The following RIC1 variants were observed in gnomAD, a reference collection of about 807,000 sequenced individuals.
RIC1 encodes the protein RIC1 partner of RAB6A GEF complex.
A neutral mutation model predicts 169.0 loss-of-function variants in RIC1; 88 were observed. That is an observed-to-expected ratio of 0.52 (90% CI 0.44 to 0.62). RIC1 has a LOEUF of 0.62. Among genes scored for constraint, RIC1 ranks in the 20% least tolerant of loss-of-function variants. The probability of loss-of-function intolerance (pLI) is 0.00; values close to 1 mark genes in which losing one functional copy is unlikely to be tolerated. For synonymous variants in RIC1, 790 were observed against 601.5 expected (o/e 1.31, Z -4.59); for missense variants, 1,877 against 1,725.5 (o/e 1.09, Z -1.56).
At chr9:5,726,190 G>A (rs1338499477) in intron 6 of RIC1, among the ~76,000 whole-genome samples, 1 of 152,138 alleles carries the variant, frequency 6.6e-6, no homozygotes, top group African/African-American at 2.4e-5. Context: ...GGGAGTCTAA[G>A]TCTCTTTGTA....
intron 17 of RIC1, among the ~76,000 whole-genome samples, chr9:5,759,539 A>G (rs1294636809): frequency 1.3e-5 from 2 of 152,246 alleles, no homozygotes; most frequent in African/African-American, 4.8e-5. Context: ...TGCAGAACCA[A>G]GTCAGTAAGC....
At position 5,765,400 on chromosome 9, in the gene RIC1, G is replaced by T; in HGVS notation, c.2842-14G>T. 1.2e-6 allele frequency: 2 copies of T among 1,607,578 alleles called. No homozygotes were observed. The highest frequency in any genetic ancestry group is 1.3e-5 in the African/African-American group (1 of 74,616). On this transcript the variant is annotated splice_polypyrimidine_tract_variant and intron_variant, in intron 19 of 25. Coordinates refer to ENST00000414202, the MANE Select transcript of RIC1 (RefSeq NM_020829.4). The stretch of plus-strand genomic sequence containing the variant: ...GTAGTATAAAAAGAATGCTGTCCTG[G>T]TTGTTTTTTGTAGAATATGGAAGTC...
At chr9:5,703,008 C>T (rs1176054743) in intron 3 of RIC1, among the ~76,000 whole-genome samples, 1 of 152,044 alleles carries the variant, frequency 6.6e-6, no homozygotes, top group Non-Finnish European at 1.5e-5. Flanking sequence ...GACAGAGACC[C>T]AAACCATGTA....
chr9:5,633,205 C>G (rs1428108425), intron 1 of RIC1, among the ~76,000 whole-genome samples: 1 of 152,144 alleles, frequency 6.6e-6, no homozygotes, highest in Non-Finnish European at 1.5e-5. Flanking sequence ...AATGATATGT[C>G]AAAAGAACCA....
chr9:5,661,698 C>G (rs576098283), intron 2 of RIC1, among the ~76,000 whole-genome samples: 1 of 152,318 alleles, frequency 6.6e-6, no homozygotes, highest in South Asian at 2.1e-4. Context: ...TTAGACTTTG[C>G]TGAAGTTGCT....
intron 2 of RIC1, among the ~76,000 whole-genome samples, chr9:5,658,325 C>T (rs1242891811): frequency 1.3e-5 from 2 of 151,940 alleles, no homozygotes. Context: ...TCAGAATGTA[C>T]TGAAGGTTAA....
At chr9:5,732,983 A>G (rs1284222346) in intron 7 of RIC1, among the ~76,000 whole-genome samples, 2 of 152,152 alleles carry the variant, frequency 1.3e-5, no homozygotes, top group South Asian at 2.1e-4. Flanking sequence ...CTGTATGCCT[A>G]TCACATACCA....
intron 7 of RIC1, among the ~76,000 whole-genome samples, chr9:5,733,680 T>G (rs997698226): frequency 8.5e-5 from 13 of 152,124 alleles, no homozygotes; most frequent in Non-Finnish European, 1.3e-4. Flanking sequence ...TGATCCTCAT[T>G]GAGCAGTTAA....
intron 1 of RIC1, 132 bp downstream of exon 1, chr9:5,629,585 T>C: frequency 9.7e-7 from 1 of 1,035,002 alleles, no homozygotes; most frequent in Non-Finnish European, 1.3e-6. Context: ...GCAGTCCGCG[T>C]CCTCGTTCCA....
At chr9:5,641,398 G>C (rs1330450537) in intron 1 of RIC1, among the ~76,000 whole-genome samples, 1 of 151,706 alleles carries the variant, frequency 6.6e-6, no homozygotes, top group Non-Finnish European at 1.5e-5. Context: ...GCCGCCATGA[G>C]GTACTCTTCT....
At chr9:5,648,602 G>A (rs1340857327) in intron 1 of RIC1, among the ~76,000 whole-genome samples, 1 of 152,158 alleles carries the variant, frequency 6.6e-6, no homozygotes, top group Non-Finnish European at 1.5e-5. Flanking sequence ...TCTTCATACT[G>A]TTTTTGGTAA....
In RIC1 at chr9:5,747,434, T is replaced by C; in HGVS notation, c.1381T>C (p.Phe461Leu). 6.2e-7 allele frequency: 1 copy of C among 1,614,098 alleles called. No individual in the cohort carries two copies. Among genetic ancestry groups the C allele is most frequent in the Non-Finnish European group, 8.5e-7 (1 of 1,179,960 alleles). ...TAAGCCCAGTCGAGAAAAGAGCCCA[T>C]TTGCAGATGGAGGTTTAGAGTCTCA... ...EHKPSREKSP[F>L]ADGGLESQGL... is the part of the protein sequence containing the mutation. The change falls in exon 12 of 26, where the codon TTT becomes CTT. Residue 461 changes from phenylalanine (F) to leucine (L), a missense_variant. Phe to Leu is a conservative substitution (Grantham distance 22, BLOSUM62 0). Transcript: ENST00000414202.
chr9:5,747,886 G>A (rs1825479416), intron 12 of RIC1, among the ~76,000 whole-genome samples: 1 of 152,156 alleles, frequency 6.6e-6, no homozygotes, highest in Non-Finnish European at 1.5e-5. Context: ...CTAGTACTCT[G>A]TACAGCTGAC....
At chr9:5,743,095 C>G in intron 9 of RIC1, 82 bp downstream of exon 9, 1 of 1,354,096 alleles carries the variant, frequency 7.4e-7, no homozygotes, top group African/African-American at 1.5e-5. Context: ...TGTGTCAGAA[C>G]TTCCCTTTTT....
Position 5,775,026 on chromosome 9 carries a change from T to C in RIC1, c.*780T>C, listed in dbSNP as rs1827501948. 6.6e-6 allele frequency: 1 copy of C among 152,234 alleles called. No homozygotes were observed. The highest frequency in any genetic ancestry group is 6.5e-5 in the Admixed American group (1 of 15,282). 9.4% of individuals were successfully genotyped at this position (152,234 alleles called of 1,614,324 possible). A position where few individuals can be genotyped will look rare whatever the true frequency, so the allele number is the denominator to read the frequency against. On this transcript the variant is annotated 3_prime_UTR_variant, in exon 26 of 26. Transcript: ENST00000414202. ...TGTTCATATTTTAGGGCTTGTATTA[T>C]AATTTGCAAGGTTTTAATGCTGGAT...
intron 12 of RIC1, among the ~76,000 whole-genome samples, chr9:5,752,266 T>C (rs1825765820): frequency 6.6e-6 from 1 of 152,132 alleles, no homozygotes; most frequent in African/African-American, 2.4e-5. Flanking sequence ...TAAAAGTTCT[T>C]GTAGATAAGT....
At chr9:5,643,723 A>T (rs765997467) in intron 1 of RIC1, among the ~76,000 whole-genome samples, 2 of 152,228 alleles carry the variant, frequency 1.3e-5, no homozygotes, top group Non-Finnish European at 2.9e-5. Context: ...GTCATCTAAA[A>T]TGGTGATATA....
chr9:5,634,201 T>G (rs1487377358), intron 1 of RIC1, among the ~76,000 whole-genome samples: 2 of 152,218 alleles, frequency 1.3e-5, no homozygotes, highest in African/African-American at 2.4e-5. Flanking sequence ...AATATGAAAG[T>G]GCAGATATCT....
At chr9:5,701,174 C>G (rs895719167) in intron 3 of RIC1, among the ~76,000 whole-genome samples, 1 of 152,136 alleles carries the variant, frequency 6.6e-6, no homozygotes, top group African/African-American at 2.4e-5. Flanking sequence ...CTGTTTGAGA[C>G]CTATAGAAAA....
Sources: gnomAD v4.1 joint callset for allele counts (sites outside exome capture counted in the v4.1 genomes callset) on GRCh38, gnomAD v4.1.1 for gene constraint, MANE v1.5 for transcripts, NCBI Gene and HGNC (gene_info 2026-07-23, HGNC 2026-07-21) for gene names.